The following ZC4H2 variants were observed in gnomAD, a reference collection of about 807,000 sequenced individuals.
ZC4H2 encodes the protein zinc finger C4H2 domain-containing protein.
For missense variants in ZC4H2, 137 were observed against 173.9 expected, an observed-to-expected ratio of 0.79 and a Z score of 1.19; for synonymous variants, 84 against 66.3, an observed-to-expected ratio of 1.27 and a Z score of -1.30.
chrX:64,967,832 G>A (rs932736968), intron 1 of ZC4H2, among the ~76,000 whole-genome samples: 16 of 112,021 alleles, frequency 1.4e-4, no homozygotes, highest in African/African-American at 4.5e-4. Flanking sequence ...TTATATACAC[G>A]AGGGCTTTCT....
chrX:64,976,644 T>G, upstream of ZC4H2: 1 of 386,275 alleles, frequency 2.6e-6, no homozygotes, highest in Non-Finnish European at 4.5e-6. Context: ...TTATAGATAA[T>G]TATGTCAAAG....
intron 1 of ZC4H2, among the ~76,000 whole-genome samples, chrX:64,937,583 C>G (rs901334162): frequency 8.9e-6 from 1 of 111,850 alleles, no homozygotes; most frequent in African/African-American, 3.2e-5. Flanking sequence ...TCATAACAGT[C>G]TCTCAGACCA....
chrX:64,924,671 T>C (rs1177090693), intron 1 of ZC4H2, among the ~76,000 whole-genome samples: 1 of 111,187 alleles, frequency 9.0e-6, no homozygotes, highest in Non-Finnish European at 1.9e-5. Flanking sequence ...CAATAGGAGT[T>C]CGCTGGTGAG....
At chrX:64,991,116 G>A (rs1171308693) in intron 1 of ZC4H2, among the ~76,000 whole-genome samples, 1 of 111,768 alleles carries the variant, frequency 8.9e-6, no homozygotes, top group Non-Finnish European at 1.9e-5. Flanking sequence ...CTGCAAAAAT[G>A]GGAAAATAAT....
intron 1 of ZC4H2, among the ~76,000 whole-genome samples, chrX:65,013,648 C>A (rs1932778999): frequency 9.0e-6 from 1 of 111,138 alleles, no homozygotes; most frequent in Admixed American, 9.6e-5. Flanking sequence ...TGAATCCTGC[C>A]AACGACCATC....
At chrX:64,920,015 G>A in intron 3 of ZC4H2, 66 bp downstream of exon 3, 2 of 1,113,596 alleles carry the variant, frequency 1.8e-6, no homozygotes, top group Admixed American at 2.5e-5. Flanking sequence ...TGTGTGTGTA[G>A]GTATGTAAGT....
intron 1 of ZC4H2, among the ~76,000 whole-genome samples, chrX:65,011,543 A>T (rs1443139797): frequency 9.0e-6 from 1 of 111,344 alleles, no homozygotes; most frequent in Non-Finnish European, 1.9e-5. Flanking sequence ...CAATCAGATT[A>T]TGGTAGTAAA....
chrX:64,947,953 CAGTT>C (rs888450590), intron 1 of ZC4H2, among the ~76,000 whole-genome samples: 3 of 110,447 alleles, frequency 2.7e-5, no homozygotes, highest in African/African-American at 6.6e-5. Context: ...GTTCATTGCT[CAGTT>C]AAACTCCTTT....
At chrX:64,967,185 T>C (rs187754581) in intron 1 of ZC4H2, among the ~76,000 whole-genome samples, 3 of 111,892 alleles carry the variant, frequency 2.7e-5, no homozygotes, top group Admixed American at 9.5e-5. Context: ...AAATAATTTG[T>C]TGCATTTGAG....
At chrX:64,985,906 G>A (rs1215746099) in intron 1 of ZC4H2, among the ~76,000 whole-genome samples, 1 of 111,739 alleles carries the variant, frequency 8.9e-6, no homozygotes, top group Admixed American at 9.5e-5. Context: ...CCCTATAAAT[G>A]TTAGTGGGCA....
chrX:65,008,561 C>G (rs1932706529), intron 1 of ZC4H2, among the ~76,000 whole-genome samples: 2 of 112,429 alleles, frequency 1.8e-5, no homozygotes, highest in Non-Finnish European at 3.8e-5. Flanking sequence ...AGGAATCAAA[C>G]TAAGTGTCTA....
chrX:64,950,888 G>A (rs1287203790), intron 1 of ZC4H2, among the ~76,000 whole-genome samples: 1 of 110,069 alleles, frequency 9.1e-6, no homozygotes, highest in East Asian at 2.9e-4. Flanking sequence ...CATTTGCCAT[G>A]CTGGTGTGCT....
chrX:65,012,028 A>G (rs1602454103), intron 1 of ZC4H2, among the ~76,000 whole-genome samples: 1 of 108,691 alleles, frequency 9.2e-6, no homozygotes, highest in East Asian at 3.0e-4. Flanking sequence ...GCCTACATTA[A>G]TGTAGTTGTT....
chrX:64,934,655 G>T (rs1009015227), intron 1 of ZC4H2, among the ~76,000 whole-genome samples: 3 of 111,891 alleles, frequency 2.7e-5, no homozygotes, highest in African/African-American at 9.7e-5. Flanking sequence ...TCATCTCATT[G>T]GGACTGGTTG....
At chrX:64,999,407 C>G (rs1015819096) in intron 1 of ZC4H2, among the ~76,000 whole-genome samples, 10 of 112,253 alleles carry the variant, frequency 8.9e-5, no homozygotes, top group African/African-American at 3.2e-4. Context: ...TGCATTCCGG[C>G]ACAGATACTA....
chrX:64,932,471 G>A (rs952242799), intron 1 of ZC4H2, among the ~76,000 whole-genome samples: 1 of 111,075 alleles, frequency 9.0e-6, no homozygotes, highest in Admixed American at 9.6e-5. Flanking sequence ...TGAGATTTAT[G>A]CTTTAAGAAG....
intron 1 of ZC4H2, among the ~76,000 whole-genome samples, chrX:64,999,433 C>A (rs1295521534): frequency 8.9e-6 from 1 of 112,494 alleles, no homozygotes; most frequent in Non-Finnish European, 1.9e-5. Flanking sequence ...TGCCCATGAT[C>A]TTCGCAACCT....
intron 1 of ZC4H2, among the ~76,000 whole-genome samples, chrX:64,996,987 T>A (rs1932427582): frequency 8.9e-6 from 1 of 112,016 alleles, no homozygotes. Flanking sequence ...ATTCTATACA[T>A]CCCATAAGCT....
chrX:65,022,336 T>C (rs959706773), intron 1 of ZC4H2, among the ~76,000 whole-genome samples: 2 of 111,778 alleles, frequency 1.8e-5, no homozygotes, highest in African/African-American at 6.5e-5. Context: ...CATGATCAAA[T>C]TGGCTTCATC....
Sources: allele counts gnomAD v4.1 joint callset (sites outside exome capture counted in the v4.1 genomes callset), GRCh38; gene constraint gnomAD v4.1.1; transcripts MANE v1.5; gene names NCBI Gene and HGNC (gene_info 2026-07-23, HGNC 2026-07-21).